The following CSMD1 variants were observed in gnomAD, a reference collection of about 807,000 sequenced individuals.
CSMD1 encodes the protein CUB and Sushi multiple domains 1.
CSMD1 carries 213 observed loss-of-function variants against 417.5 expected under a neutral mutation model. The observed-to-expected ratio is 0.51, with a 90% CI of 0.46 to 0.57. The LOEUF is 0.57. CSMD1 is among the 20% of genes least tolerant of loss of function. The probability of loss-of-function intolerance (pLI) is 0.00; values close to 1 mark genes in which losing one functional copy is unlikely to be tolerated. For missense variants in CSMD1, 6,923 were observed against 4,529.7 expected (o/e 1.53, Z -15.17); for synonymous variants, 2,862 against 1,736.8 (o/e 1.65, Z -16.11).
intron 40 of CSMD1, among the ~76,000 whole-genome samples, chr8:3,147,695 G>C (rs1367566239): frequency 6.6e-6 from 1 of 152,150 alleles, no homozygotes; most frequent in Non-Finnish European, 1.5e-5. Context: ...CTATAAATCT[G>C]ACACTCTCTT....
intron 1 of CSMD1, among the ~76,000 whole-genome samples, chr8:4,674,601 C>T (rs1805556755): frequency 6.6e-6 from 1 of 152,094 alleles, no homozygotes; most frequent in Admixed American, 6.5e-5. Flanking sequence ...AGCTTTGGTG[C>T]AAATCAGGAA....
chr8:4,113,076 A>T (rs569578727), intron 3 of CSMD1, among the ~76,000 whole-genome samples: 21 of 152,290 alleles, frequency 1.4e-4, no homozygotes, highest in African/African-American at 4.8e-4. Flanking sequence ...ACCCCCATGT[A>T]AGACAGTGAA....
chr8:3,597,858 G>A (rs567363066), intron 8 of CSMD1, among the ~76,000 whole-genome samples: 1 of 152,230 alleles, frequency 6.6e-6, no homozygotes, highest in Non-Finnish European at 1.5e-5. Flanking sequence ...CTAGGGGAGG[G>A]ATAGCATTAG....
chr8:4,456,826 G>A (rs762731872), intron 2 of CSMD1, among the ~76,000 whole-genome samples: 1 of 151,994 alleles, frequency 6.6e-6, no homozygotes, highest in Non-Finnish European at 1.5e-5. Flanking sequence ...GAGCCAGTGG[G>A]TACCTGCAGG....
intron 2 of CSMD1, among the ~76,000 whole-genome samples, chr8:4,513,076 A>T (rs977754527): frequency 2.6e-5 from 4 of 152,196 alleles, no homozygotes; most frequent in Admixed American, 6.6e-5. Flanking sequence ...GGATGGATAC[A>T]TGTTATTGAA....
intron 2 of CSMD1, among the ~76,000 whole-genome samples, chr8:4,439,627 C>T (rs1798347825): frequency 6.6e-6 from 1 of 152,008 alleles, no homozygotes; most frequent in South Asian, 2.1e-4. Flanking sequence ...TAAAGTAAAA[C>T]AGCACCATAA....
intron 40 of CSMD1, among the ~76,000 whole-genome samples, chr8:3,150,153 T>A (rs924393029): frequency 6.6e-6 from 1 of 152,150 alleles, no homozygotes; most frequent in African/African-American, 2.4e-5. Flanking sequence ...CACTGCCTCA[T>A]GCTCAGAGAG....
In CSMD1 at chr8:3,900,257, G is replaced by A. The variant is rs761055928; in HGVS notation, c.818+97646C>T. 4.0e-5 allele frequency among the ~76,000 whole-genome samples: 6 copies of A among 151,224 alleles called. 1 individual carries two copies. The highest frequency in any genetic ancestry group is 7.3e-5 in the African/African-American group (3 of 40,930). ...AGTGGAGCTGGGTAACAGGGCAGCT[G>A]GGTGACAGCACAGCTGCGTGACAGT... is the stretch of plus-strand genomic sequence containing the variant. On this transcript the variant is annotated intron_variant, in intron 5 of 69. Coordinates refer to ENST00000635120, the MANE Select transcript of CSMD1 (RefSeq NM_033225.6).
intron 1 of CSMD1, among the ~76,000 whole-genome samples, chr8:4,763,440 G>A (rs1812247719): frequency 6.6e-6 from 1 of 151,924 alleles, no homozygotes; most frequent in Non-Finnish European, 1.5e-5. Flanking sequence ...TACAAAGAAG[G>A]GTGCATTATT....
At chr8:3,252,998 C>A (rs950939399) in intron 26 of CSMD1, among the ~76,000 whole-genome samples, 4 of 152,116 alleles carry the variant, frequency 2.6e-5, no homozygotes, top group African/African-American at 9.7e-5. Context: ...TTTTGTTGAT[C>A]TTTTCAAAAA....
chr8:3,920,409 A>T (rs1272974675), intron 5 of CSMD1, among the ~76,000 whole-genome samples: 1 of 151,800 alleles, frequency 6.6e-6, no homozygotes, highest in East Asian at 1.9e-4. Flanking sequence ...TTCTTTTCTA[A>T]GACTGTAACA....
chr8:3,233,559 C>T (rs576292951), intron 26 of CSMD1, among the ~76,000 whole-genome samples: 1 of 152,274 alleles, frequency 6.6e-6, no homozygotes, highest in African/African-American at 2.4e-5. Context: ...TTGGTTTTTG[C>T]AAGTTATGTT....
At chr8:3,345,545 G>T (rs138989828) in intron 22 of CSMD1, among the ~76,000 whole-genome samples, 1 of 152,238 alleles carries the variant, frequency 6.6e-6, no homozygotes, top group African/African-American at 2.4e-5. Context: ...GATTCCAATT[G>T]GATGAGGAAC....
chr8:3,995,178 G>A lies in CSMD1; in HGVS notation c.818+2725C>T, dbSNP rs551149654. On this transcript the variant is annotated intron_variant, in intron 5 of 69. Transcript: ENST00000635120. ...TTATGCATTTGTATAGGCCTTAAAA[G>A]GGTACTTCAAATTATTCTGTTTTAT... is the stretch of plus-strand genomic sequence containing the variant. 2.6e-4 allele frequency among the ~76,000 whole-genome samples: 39 copies of A among 152,242 alleles called. No individual in the cohort carries two copies. The South Asian group carries it at 7.7e-3, about 30-fold the overall frequency.
At chr8:4,669,460 G>T (rs2078282550) in intron 1 of CSMD1, among the ~76,000 whole-genome samples, 1 of 152,084 alleles carries the variant, frequency 6.6e-6, no homozygotes, top group Admixed American at 6.5e-5. Context: ...CAACTACTTG[G>T]AACTCAGGAT....
chr8:4,713,047 A>C (rs180924011), intron 1 of CSMD1, among the ~76,000 whole-genome samples: 1 of 152,360 alleles, frequency 6.6e-6, no homozygotes, highest in East Asian at 1.9e-4. Flanking sequence ...GGATACTGGG[A>C]AAGGTCTTCT....
At chr8:4,040,013 A>C (rs940604946) in intron 3 of CSMD1, among the ~76,000 whole-genome samples, 1 of 151,980 alleles carries the variant, frequency 6.6e-6, no homozygotes, top group Non-Finnish European at 1.5e-5. Flanking sequence ...CATACATGTC[A>C]GGACTGTTAA....
chr8:3,783,457 G>A (rs556226677), intron 5 of CSMD1, among the ~76,000 whole-genome samples: 1 of 152,334 alleles, frequency 6.6e-6, no homozygotes, highest in South Asian at 2.1e-4. Flanking sequence ...CGGGAGCACA[G>A]AAGCATTGGC....
chr8:3,343,301 G>A lies in CSMD1; in HGVS notation c.3624C>T (p.Thr1208=). 1 of 1,613,190 alleles carries A rather than the reference G, an allele frequency of 6.2e-7. No individual in the cohort carries two copies. Among genetic ancestry groups the A allele is most frequent in the Non-Finnish European group, 8.5e-7 (1 of 1,179,208 alleles). The change falls in exon 23 of 70, where the codon ACC becomes ACT. Residue 1208 remains threonine, a synonymous_variant. Coordinates refer to ENST00000635120, the MANE Select transcript of CSMD1 (RefSeq NM_033225.6). ...AAGTCGTATGTTACTTACTGGTATA[G>A]GTGAGTTGAAAACCTTGGTCGGTGT... is the stretch of plus-strand genomic sequence containing the variant. ...GSDTDQGFQL[T]YTSFDLVKCE...
Sources: allele counts gnomAD v4.1 joint callset (sites outside exome capture counted in the v4.1 genomes callset), GRCh38; gene constraint gnomAD v4.1.1; transcripts MANE v1.5; gene names NCBI Gene and HGNC (gene_info 2026-07-23, HGNC 2026-07-21).